Variants in CSMD1 observed in about 807,000 individuals in gnomAD.
CSMD1 encodes the protein CUB and Sushi multiple domains 1.
Under a neutral mutation model 417.5 loss-of-function variants are expected in CSMD1, and 213 were observed. That is an observed-to-expected ratio of 0.51 (90% CI 0.46 to 0.57). The LOEUF (loss-of-function observed/expected upper bound fraction) is 0.57, where lower values mean the gene tolerates loss of function less well. Ranked by LOEUF, CSMD1 falls within the 20% of genes least tolerant of loss-of-function variation. The pLI is 0.00. For missense variants in CSMD1, 6,923 were observed against 4,529.7 expected, an observed-to-expected ratio of 1.53 and a Z score of -15.17; for synonymous variants, 2,862 against 1,736.8, an observed-to-expected ratio of 1.65 and a Z score of -16.11.
At chr8:4,678,018 A>G (rs186265774) in intron 1 of CSMD1, among the ~76,000 whole-genome samples, 3 of 152,332 alleles carry the variant, frequency 2.0e-5, no homozygotes, top group East Asian at 1.9e-4. Context: ...AAACAAATAT[A>G]AAACCAAATG....
chr8:3,074,371 C>T (rs932142683), intron 49 of CSMD1, among the ~76,000 whole-genome samples: 42 of 152,282 alleles, frequency 2.8e-4, no homozygotes, highest in African/African-American at 8.7e-4. Flanking sequence ...AACGCAATCA[C>T]GGGAGGAGGG....
chr8:4,742,223 G>C (rs1162693829), intron 1 of CSMD1, among the ~76,000 whole-genome samples: 1 of 150,500 alleles, frequency 6.6e-6, no homozygotes, highest in Non-Finnish European at 1.5e-5. Flanking sequence ...GTAGAGACGG[G>C]GTTTCACCTT....
intron 7 of CSMD1, among the ~76,000 whole-genome samples, chr8:3,629,116 C>T (rs946746793): frequency 6.6e-6 from 1 of 152,066 alleles, no homozygotes; most frequent in Admixed American, 6.5e-5. Context: ...GCAGAGGAGA[C>T]ACCTCAGGCA....
intron 5 of CSMD1, among the ~76,000 whole-genome samples, chr8:3,992,202 TA>T (rs67506757): frequency 0.049 from 7,464 of 151,812 alleles, 244 homozygotes; most frequent in East Asian, 0.12. Flanking sequence ...CATTCATATT[TA>T]TTTCCCATTT....
At chr8:3,806,774 T>C (rs961063883) in intron 5 of CSMD1, among the ~76,000 whole-genome samples, 1 of 152,200 alleles carries the variant, frequency 6.6e-6, no homozygotes, top group African/African-American at 2.4e-5. Context: ...AAAATGTTAG[T>C]TGTTTTAGCT....
At chr8:4,078,561 G>C (rs1419367972) in intron 3 of CSMD1, among the ~76,000 whole-genome samples, 4 of 151,292 alleles carry the variant, frequency 2.6e-5, no homozygotes, top group Non-Finnish European at 5.9e-5. Context: ...ACTGCGCCCG[G>C]CTGATATCCA....
intron 1 of CSMD1, among the ~76,000 whole-genome samples, chr8:4,970,522 A>G (rs1334751621): frequency 6.6e-6 from 1 of 152,092 alleles, no homozygotes; most frequent in Non-Finnish European, 1.5e-5. Context: ...TTCTTAAACT[A>G]TATGATATAT....
chr8:3,710,446 C>A (rs1360279513), intron 6 of CSMD1, among the ~76,000 whole-genome samples: 1 of 152,148 alleles, frequency 6.6e-6, no homozygotes, highest in Non-Finnish European at 1.5e-5. Context: ...GTCCTGAGCC[C>A]AGCCAACTCA....
At chr8:4,341,636 G>C (rs987891668) in intron 3 of CSMD1, among the ~76,000 whole-genome samples, 4 of 152,234 alleles carry the variant, frequency 2.6e-5, no homozygotes, top group African/African-American at 7.2e-5. Flanking sequence ...AAATGTTTAG[G>C]ATATGCTCTT....
At chr8:3,308,188 A>G (rs1314243112) in intron 24 of CSMD1, 124 bp downstream of exon 24, 2 of 737,050 alleles carry the variant, frequency 2.7e-6, no homozygotes, top group African/African-American at 3.8e-5. Context: ...CAGAATACAT[A>G]AAACTCACAC....
chr8:4,919,527 A>G (rs1248897649), intron 1 of CSMD1, among the ~76,000 whole-genome samples: 3 of 152,236 alleles, frequency 2.0e-5, no homozygotes, highest in Admixed American at 6.5e-5. Flanking sequence ...AGAAGTTTGC[A>G]TTAGTTCCAG....
At chr8:3,875,127 G>A (rs200839098) in intron 5 of CSMD1, among the ~76,000 whole-genome samples, 2 of 151,854 alleles carry the variant, frequency 1.3e-5, no homozygotes, top group African/African-American at 4.8e-5. Flanking sequence ...ACATTGTGGG[G>A]TTTGGAAATT....
intron 7 of CSMD1, among the ~76,000 whole-genome samples, chr8:3,642,433 C>A (rs1262545517): frequency 1.3e-5 from 2 of 152,132 alleles, no homozygotes; most frequent in Non-Finnish European, 2.9e-5. Flanking sequence ...ACCTATATGG[C>A]TCTAAAGACC....
intron 3 of CSMD1, among the ~76,000 whole-genome samples, chr8:4,367,790 A>C (rs114323384): frequency 0.041 from 6,294 of 152,144 alleles, 412 homozygotes; most frequent in African/African-American, 0.14. Context: ...TTGGTAAGTT[A>C]TATCCCTAGG....
At chr8:3,618,344 T>C (rs1223571367) in intron 7 of CSMD1, among the ~76,000 whole-genome samples, 2 of 152,204 alleles carry the variant, frequency 1.3e-5, no homozygotes, top group Non-Finnish European at 2.9e-5. Flanking sequence ...TAAATTTGGG[T>C]AACATAATCC....
In CSMD1 at chr8:4,007,203, T is replaced by C. The variant is rs144708465; in HGVS notation, c.611-9093A>G. Among the ~76,000 whole-genome samples, 525 of 152,218 alleles carry C rather than the reference T, an allele frequency of 3.4e-3. 3 individuals are homozygous for C. Among genetic ancestry groups the C allele is most frequent in the African/African-American group, 0.012 (484 of 41,538 alleles). Reference sequence around the variant, plus strand: ...CCACTTTCATAGAACATGCCTTCTATATATTTTCTATTCAAAGCTGTGAAC... The same window carrying C: ...CCACTTTCATAGAACATGCCTTCTACATATTTTCTATTCAAAGCTGTGAAC... On this transcript the variant is annotated intron_variant, in intron 4 of 69. Transcript: ENST00000635120.
At chr8:4,825,586 T>C (rs1382284603) in intron 1 of CSMD1, among the ~76,000 whole-genome samples, 1 of 104,662 alleles carries the variant, frequency 9.6e-6, no homozygotes, top group African/African-American at 3.7e-5. Context: ...ACAAGTGGGA[T>C]CAAAAAGCAC....
intron 2 of CSMD1, among the ~76,000 whole-genome samples, chr8:4,472,091 A>G (rs1273041043): frequency 1.3e-5 from 2 of 152,230 alleles, no homozygotes; most frequent in Non-Finnish European, 2.9e-5. Flanking sequence ...CAGTCAGCAG[A>G]GATCTGTTCT....
At chr8:4,459,591 G>C (rs1030824438) in intron 2 of CSMD1, among the ~76,000 whole-genome samples, 3 of 152,184 alleles carry the variant, frequency 2.0e-5, no homozygotes, top group South Asian at 4.1e-4. Flanking sequence ...GCTAGTCTAA[G>C]ATAATAAGAG....
Sources: allele counts gnomAD v4.1 joint callset (sites outside exome capture counted in the v4.1 genomes callset), GRCh38; gene constraint gnomAD v4.1.1; transcripts MANE v1.5; gene names NCBI Gene and HGNC (gene_info 2026-07-23, HGNC 2026-07-21).